The following FRY variants were observed in gnomAD, a reference collection of about 807,000 sequenced individuals.
FRY encodes protein furry homolog.
Under a neutral mutation model 348.4 loss-of-function variants are expected in FRY, and 128 were observed. That is an observed-to-expected ratio of 0.37 (90% CI 0.32 to 0.43). FRY has a LOEUF of 0.43. FRY is among the 20% of genes least tolerant of loss of function. FRY has a pLI of 1.00. For synonymous variants in FRY, 1,370 were observed against 1,374.7 expected (o/e 1.00, Z 0.08); for missense variants, 2,736 against 3,695.2 (o/e 0.74, Z 6.73).
intron 1 of FRY, among the ~76,000 whole-genome samples, chr13:32,050,396 TC>T (rs1873261021): frequency 6.6e-6 from 1 of 152,214 alleles, no homozygotes; most frequent in Non-Finnish European, 1.5e-5. Flanking sequence ...CAAGATGATC[TC>T]TGTCAGGTGC....
intron 46 of FRY, 130 bp from the exon 47 acceptor site, chr13:32,243,912 C>A: frequency 1.0e-6 from 1 of 986,710 alleles, no homozygotes; most frequent in Non-Finnish European, 1.5e-6. Context: ...GGCAACATAG[C>A]AAGACCCCAT....
intron 2 of FRY, among the ~76,000 whole-genome samples, chr13:32,101,034 A>G (rs1277512083): frequency 6.6e-6 from 1 of 152,190 alleles, no homozygotes; most frequent in African/African-American, 2.4e-5. Flanking sequence ...TGCAGTCACC[A>G]TGCTATACAG....
intron 46 of FRY, among the ~76,000 whole-genome samples, chr13:32,241,009 A>G (rs1486952278): frequency 6.6e-6 from 1 of 152,226 alleles, no homozygotes; most frequent in Admixed American, 6.5e-5. Flanking sequence ...TCAGCAGCCC[A>G]GGATTCACTT....
chr13:32,222,428 C>T (rs1468757265), intron 36 of FRY, among the ~76,000 whole-genome samples: 1 of 152,122 alleles, frequency 6.6e-6, no homozygotes, highest in African/African-American at 2.4e-5. Flanking sequence ...TCTGTCTGCT[C>T]TGTGGAACAC....
intron 3 of FRY, among the ~76,000 whole-genome samples, chr13:32,113,986 G>T (rs1400889901): frequency 6.6e-6 from 1 of 152,042 alleles, no homozygotes; most frequent in Non-Finnish European, 1.5e-5. Context: ...TTTTAATGGG[G>T]GAGAAAAAAA....
intron 7 of FRY, among the ~76,000 whole-genome samples, chr13:32,125,752 G>C (rs1287480351): frequency 6.6e-6 from 1 of 152,186 alleles, no homozygotes; most frequent in Non-Finnish European, 1.5e-5. Context: ...GCAGGAAATA[G>C]AACCCCTTAA....
chr13:32,181,575 CAAAAAAA>C (rs35272711), intron 23 of FRY, among the ~76,000 whole-genome samples: 2 of 59,036 alleles, frequency 3.4e-5, no homozygotes, highest in Non-Finnish European at 6.5e-5. Context: ...ACTCCGTCAC[CAAAAAAA>C]AAAAAAAAAA....
intron 1 of FRY, among the ~76,000 whole-genome samples, chr13:32,040,845 C>A (rs1473274255): frequency 6.6e-6 from 1 of 152,096 alleles, no homozygotes; most frequent in African/African-American, 2.4e-5. Context: ...CTAAAGGATA[C>A]TCTCCTACAT....
In FRY at chr13:32,274,906, G is replaced by C. The variant is rs190267985; in HGVS notation, c.8201G>C (p.Arg2734Pro). Residue 2734 changes from arginine to proline, a missense_variant, in exon 56 of 61, where the codon CGG becomes CCG. This residue lies in a region of FRY where 789 missense variants were observed against 996.2 expected (regional missense o/e 0.79). Coordinates refer to ENST00000542859, the MANE Select transcript of FRY (RefSeq NM_023037.3). ...DAASYLGDNLRGIGSKFVSSS... is the reference protein window; with the variant it reads ...DAASYLGDNLPGIGSKFVSSS... Reference sequence around the variant, plus strand: ...GCCAGTTACCTTGGAGATAACCTCCGGGGAATCGGATCCAAATTTGTCAGC... The same window carrying C: ...GCCAGTTACCTTGGAGATAACCTCCCGGGAATCGGATCCAAATTTGTCAGC... The C allele has an allele frequency of 1.2e-6, 2 of 1,612,584 alleles. No individual in the cohort carries two copies. Among genetic ancestry groups the C allele is most frequent in the Admixed American group, 1.7e-5 (1 of 59,958 alleles).
chr13:32,205,436 G>C (rs926086212), intron 31 of FRY, among the ~76,000 whole-genome samples: 1 of 152,158 alleles, frequency 6.6e-6, no homozygotes, highest in African/African-American at 2.4e-5. Context: ...ACATTACAGA[G>C]CAAGAGACCA....
intron 3 of FRY, among the ~76,000 whole-genome samples, chr13:32,102,858 G>T (rs892431316): frequency 2.0e-5 from 3 of 152,160 alleles, no homozygotes; most frequent in Admixed American, 6.5e-5. Flanking sequence ...ACCTCAGTTG[G>T]TGCCAACGTC....
At chr13:32,278,708 A>G (rs1888666457) in intron 58 of FRY, 160 bp downstream of exon 58, 1 of 742,608 alleles carries the variant, frequency 1.3e-6, no homozygotes, top group Non-Finnish European at 2.5e-6. Context: ...GCCTTCCAGC[A>G]TGACTGTGTG....
intron 1 of FRY, 47 bp downstream of exon 1, chr13:32,031,912 T>C (rs1392241204): frequency 1.9e-6 from 2 of 1,054,316 alleles, no homozygotes; most frequent in Admixed American, 3.5e-5. Context: ...TGCTGGATGT[T>C]GCATAAGGCT....
intron 3 of FRY, among the ~76,000 whole-genome samples, chr13:32,110,275 G>A (rs1877871268): frequency 6.6e-6 from 1 of 152,178 alleles, no homozygotes; most frequent in Non-Finnish European, 1.5e-5. Flanking sequence ...CATCTGTGGA[G>A]AGCATCTATG....
Position 32,237,339 on chromosome 13 carries a change from A to C in FRY, c.5811-40A>C. The C allele has an allele frequency of 6.2e-7, 1 of 1,608,492 alleles. No individual in the cohort carries two copies. The highest frequency in any genetic ancestry group is 8.5e-7 in the Non-Finnish European group (1 of 1,178,340). On this transcript the variant is annotated intron_variant, in intron 43 of 60. Coordinates refer to ENST00000542859, the MANE Select transcript of FRY (RefSeq NM_023037.3). The surrounding 1 kb of genome is among the most constrained non-coding windows in gnomAD (Gnocchi z 6.3). ...TGAAAGGACTGGCTTTTGGTGACAC[A>C]TGTTGGCATCCTATTAAACTTATTT...
chr13:32,051,131 C>A (rs74044327), intron 1 of FRY, among the ~76,000 whole-genome samples: 2 of 152,108 alleles, frequency 1.3e-5, no homozygotes, highest in African/African-American at 4.8e-5. Context: ...TAATTATTTC[C>A]GTTTCCTTCT....
At chr13:32,056,271 T>G (rs1310095496) in intron 1 of FRY, among the ~76,000 whole-genome samples, 1 of 151,860 alleles carries the variant, frequency 6.6e-6, no homozygotes, top group African/African-American at 2.4e-5. Flanking sequence ...AGCCTCTGTA[T>G]AGGTTCACAC....
Position 32,244,104 on chromosome 13 carries a change from C to G in FRY, c.6750C>G (p.Leu2250=). Residue 2250 remains leucine (L), a synonymous_variant, in exon 47 of 61, where the codon CTC becomes CTG. Transcript: ENST00000542859. ...QPLLQVIYSL[L]SYMDLSVVPV... The stretch of plus-strand genomic sequence containing the variant: ...TGCTCCAGGTGATCTACAGTCTTCT[C>G]AGCTACATGGACCTTTCTGTCGTTC... 6.2e-7 allele frequency: 1 copy of G among 1,613,810 alleles called. No homozygotes were observed. The highest frequency in any genetic ancestry group is 8.5e-7 in the Non-Finnish European group (1 of 1,179,682).
At chr13:32,290,278 A>G (rs1261243565) in intron 59 of FRY, among the ~76,000 whole-genome samples, 1 of 152,200 alleles carries the variant, frequency 6.6e-6, no homozygotes, top group Non-Finnish European at 1.5e-5. Flanking sequence ...CAAATGAAGA[A>G]ATACTACTGT....
Sources: gnomAD v4.1 joint callset for allele counts (sites outside exome capture counted in the v4.1 genomes callset) on GRCh38, gnomAD v4.1.1 for gene constraint, gnomAD v4.1.1 regional missense constraint, Gnocchi (gnomAD v3.1) non-coding constraint, MANE v1.5 for transcripts, NCBI Gene and HGNC (gene_info 2026-07-23, HGNC 2026-07-21) for gene names.